The following KIAA1217 variants were observed in gnomAD, a reference collection of about 807,000 sequenced individuals.
KIAA1217 encodes sickle tail protein homolog.
Under a neutral mutation model 163.9 loss-of-function variants are expected in KIAA1217, and 88 were observed. The observed-to-expected ratio is 0.54, with a 90% CI of 0.45 to 0.64. The LOEUF (loss-of-function observed/expected upper bound fraction) is 0.64, where lower values mean the gene tolerates loss of function less well. KIAA1217 is among the 30% of genes least tolerant of loss of function. KIAA1217 has a pLI of 0.00. For synonymous variants in KIAA1217, 903 were observed against 923.1 expected (o/e 0.98, Z 0.39); for missense variants, 2,372 against 2,475.0 (o/e 0.96, Z 0.88).
intron 2 of KIAA1217, among the ~76,000 whole-genome samples, chr10:24,330,184 C>A (rs1478378558): frequency 6.6e-6 from 1 of 151,596 alleles, no homozygotes; most frequent in Admixed American, 6.6e-5. Context: ...CCTGTAATCC[C>A]AGCTACTCAG....
At chr10:24,084,588 T>C (rs765815313) in intron 2 of KIAA1217, among the ~76,000 whole-genome samples, 1 of 152,098 alleles carries the variant, frequency 6.6e-6, no homozygotes, top group Non-Finnish European at 1.5e-5. Context: ...TACTATTATT[T>C]TAGAGACTGG....
intron 2 of KIAA1217, among the ~76,000 whole-genome samples, chr10:24,280,205 C>T (rs775217457): frequency 3.3e-5 from 5 of 152,156 alleles, no homozygotes; most frequent in Non-Finnish European, 5.9e-5. Context: ...TCTGCAGTTT[C>T]ATGTCATTCA....
At chr10:24,313,375 G>A (rs2042950448) in intron 2 of KIAA1217, among the ~76,000 whole-genome samples, 1 of 152,160 alleles carries the variant, frequency 6.6e-6, no homozygotes, top group African/African-American at 2.4e-5. Flanking sequence ...GAGGAGAGTA[G>A]CCTGGCGATT....
chr10:23,798,563 T>G (rs1836318077), intron 1 of KIAA1217, among the ~76,000 whole-genome samples: 1 of 152,222 alleles, frequency 6.6e-6, no homozygotes, highest in South Asian at 2.1e-4. Flanking sequence ...TTTTTTTGTT[T>G]GTTTGTTTTG....
At chr10:23,875,246 A>C (rs1840628495) in intron 1 of KIAA1217, among the ~76,000 whole-genome samples, 1 of 152,054 alleles carries the variant, frequency 6.6e-6, no homozygotes, top group African/African-American at 2.4e-5. Flanking sequence ...ATCAGAAGGA[A>C]AGAGGAAACT....
chr10:23,972,953 G>T (rs1390518885), intron 1 of KIAA1217, among the ~76,000 whole-genome samples: 1 of 151,964 alleles, frequency 6.6e-6, no homozygotes, highest in African/African-American at 2.4e-5. Context: ...ACTGGGGCCT[G>T]TTGGGGTTTG....
At chr10:24,458,879 G>A (rs2062066374) in intron 5 of KIAA1217, among the ~76,000 whole-genome samples, 1 of 152,178 alleles carries the variant, frequency 6.6e-6, no homozygotes, top group Non-Finnish European at 1.5e-5. Context: ...AATGGAGATT[G>A]TGATGTGAAC....
chr10:23,705,799 C>A (rs565857999), intron 1 of KIAA1217, among the ~76,000 whole-genome samples: 1 of 152,104 alleles, frequency 6.6e-6, no homozygotes, highest in East Asian at 1.9e-4. Flanking sequence ...AGAGAGACAG[C>A]GCCAGCTGGG....
Position 24,526,203 on chromosome 10 carries a change from A to G in KIAA1217, c.2898+1439A>G, listed in dbSNP as rs370236906. Among the ~76,000 whole-genome samples, 8 of 152,192 alleles carry G rather than the reference A, an allele frequency of 5.3e-5. No homozygotes were observed. In the South Asian group the frequency reaches 1.5e-3, roughly 28 times the overall value. On this transcript the variant is annotated intron_variant, in intron 13 of 20. Coordinates refer to ENST00000376454, the MANE Select transcript of KIAA1217 (RefSeq NM_019590.5). Reference sequence around the variant, plus strand: ...CACCAGTGGAGAGGTCAGGTTGGGTATATCGAGACGACCTGGCAAAACTGC... The same window carrying G: ...CACCAGTGGAGAGGTCAGGTTGGGTGTATCGAGACGACCTGGCAAAACTGC...
At chr10:23,974,938 T>C (rs910313592) in intron 1 of KIAA1217, among the ~76,000 whole-genome samples, 8 of 152,084 alleles carry the variant, frequency 5.3e-5, no homozygotes, top group African/African-American at 1.7e-4. Context: ...TGTGGAATAT[T>C]TATGGCTCTT....
upstream of KIAA1217, among the ~76,000 whole-genome samples, chr10:24,207,808 T>A (rs1016458245): frequency 6.6e-6 from 1 of 152,162 alleles, no homozygotes; most frequent in African/African-American, 2.4e-5. Flanking sequence ...TGCTTCCACA[T>A]CCTTATGTCT....
chr10:24,533,383 C>G, intron 16 of KIAA1217, 146 bp downstream of exon 16: 1 of 742,740 alleles, frequency 1.3e-6, no homozygotes. Context: ...TTAGCCTTTG[C>G]TTTCCCAAGA....
intron 2 of KIAA1217, among the ~76,000 whole-genome samples, chr10:24,200,175 T>C (rs2067185734): frequency 1.3e-5 from 2 of 151,780 alleles, no homozygotes; most frequent in South Asian, 2.1e-4. Flanking sequence ...TGTTGCCTCA[T>C]GGCTTTTGGT....
At chr10:24,464,314 T>C (rs1448879786) in intron 5 of KIAA1217, among the ~76,000 whole-genome samples, 1 of 152,166 alleles carries the variant, frequency 6.6e-6, no homozygotes, top group Non-Finnish European at 1.5e-5. Flanking sequence ...GACAGTGCCC[T>C]GGAGCATTTT....
At chr10:24,094,670 C>T (rs1201523870) in intron 2 of KIAA1217, among the ~76,000 whole-genome samples, 5 of 152,192 alleles carry the variant, frequency 3.3e-5, no homozygotes, top group Admixed American at 1.3e-4. Flanking sequence ...TTAGGCTGCT[C>T]GGGGGTCAGG....
chr10:24,191,505 A>G (rs2066716701), intron 2 of KIAA1217, among the ~76,000 whole-genome samples: 1 of 152,052 alleles, frequency 6.6e-6, no homozygotes, highest in African/African-American at 2.4e-5. Flanking sequence ...CCATTATGTG[A>G]TTATTTCACA....
At chr10:23,866,929 A>G (rs1289236622) in intron 1 of KIAA1217, among the ~76,000 whole-genome samples, 1 of 151,280 alleles carries the variant, frequency 6.6e-6, no homozygotes, top group Non-Finnish European at 1.5e-5. Context: ...TACATGTGCC[A>G]TGCTGGTGTG....
chr10:24,129,869 C>G (rs2063590686), intron 2 of KIAA1217, among the ~76,000 whole-genome samples: 2 of 151,952 alleles, frequency 1.3e-5, no homozygotes, highest in South Asian at 4.2e-4. Flanking sequence ...GATTAAGATT[C>G]ATGATCTTAG....
In KIAA1217 at chr10:24,515,662, T is replaced by C. The variant is rs780940322; in HGVS notation, c.2177+2228T>C. Among the ~76,000 whole-genome samples, 118 of 152,162 alleles carry C rather than the reference T, an allele frequency of 7.8e-4. 4 individuals carry two copies. Among genetic ancestry groups the C allele is most frequent in the Non-Finnish European group, 2.1e-4 (14 of 68,032 alleles). On this transcript the variant is annotated intron_variant, in intron 10 of 20. Transcript: ENST00000376454. ...CGAACAGGGGATTTACAGGTACCAG[T>C]TGTACCCACACAAAAGAGAGACTAA...
Sources: allele counts gnomAD v4.1 joint callset (sites outside exome capture counted in the v4.1 genomes callset), GRCh38; gene constraint gnomAD v4.1.1; transcripts MANE v1.5; gene names NCBI Gene and HGNC (gene_info 2026-07-23, HGNC 2026-07-21).